PTPRT: variants seen among roughly 807,000 people sequenced by gnomAD.
The protein encoded by PTPRT is protein tyrosine phosphatase receptor type T, also known as receptor-type tyrosine-protein phosphatase T.
In PTPRT, 56 loss-of-function variants were observed where a neutral mutation model predicts 176.8. The observed-to-expected ratio is 0.32, with a 90% confidence interval of 0.26 to 0.40. The LOEUF (loss-of-function observed/expected upper bound fraction) is 0.40, where lower values mean the gene tolerates loss of function less well. PTPRT is among the 10% of genes least tolerant of loss of function. The probability of loss-of-function intolerance (pLI) is 1.00; values close to 1 mark genes in which losing one functional copy is unlikely to be tolerated. For synonymous variants in PTPRT, 783 were observed against 739.0 expected, an observed-to-expected ratio of 1.06 and a Z score of -0.96; for missense variants, 1,540 against 1,908.2, an observed-to-expected ratio of 0.81 and a Z score of 3.60.
intron 7 of PTPRT, among the ~76,000 whole-genome samples, chr20:42,628,096 C>T (rs771399069): frequency 6.6e-6 from 1 of 152,134 alleles, no homozygotes; most frequent in African/African-American, 2.4e-5. Flanking sequence ...ACAAGACACA[C>T]AGGGTGGGGA....
intron 1 of PTPRT, among the ~76,000 whole-genome samples, chr20:42,978,321 C>T (rs1259280902): frequency 1.3e-5 from 2 of 152,158 alleles, no homozygotes; most frequent in Non-Finnish European, 2.9e-5. Context: ...GTTCTGTACC[C>T]ACCTATTTTC....
chr20:42,633,993 TATATATTATATATATATAATATATATATA>T (rs1569038048), intron 7 of PTPRT, among the ~76,000 whole-genome samples: 21 of 23,850 alleles, frequency 8.8e-4, no homozygotes, highest in African/African-American at 4.1e-3. Context: ...TATTATATTA[TATATATTATATATATATAATATATATATA>T]ATATATATAT....
intron 2 of PTPRT, among the ~76,000 whole-genome samples, chr20:42,846,995 T>G (rs1021191696): frequency 6.6e-6 from 1 of 152,170 alleles, no homozygotes; most frequent in Non-Finnish European, 1.5e-5. Flanking sequence ...ATGCCTGTGT[T>G]TTCTCATTTT....
rs1159094345 is a variant in PTPRT, at chr20:42,624,005, C to CAAAAAAAAAAAAAAAACA, written c.1153+53860_1153+53861insTGTTTTTTTTTTTTTTTT. 3.5e-4 allele frequency among the ~76,000 whole-genome samples: 47 copies of CAAAAAAAAAAAAAAAACA among 135,682 alleles called. 1 individual carries two copies. Among genetic ancestry groups the CAAAAAAAAAAAAAAAACA allele is most frequent in the African/African-American group, 1.5e-3 (46 of 31,110 alleles). The allele number at this position is 135,682 out of a possible 152,430, so 89.0% of individuals were successfully genotyped here. ...CCCACGAAGGAAAACAAAACAATAG[C>CAAAAAAAAAAAAAAAACA]AACAAACAAACAAACAAACAAAAAA... On this transcript the variant is annotated intron_variant, in intron 7 of 30. Coordinates refer to ENST00000373187, the MANE Select transcript of PTPRT (RefSeq NM_007050.6).
intron 2 of PTPRT, among the ~76,000 whole-genome samples, chr20:42,797,731 T>C (rs990552723): frequency 3.9e-5 from 6 of 152,310 alleles, no homozygotes; most frequent in Admixed American, 6.5e-5. Context: ...ATTTTCCAGC[T>C]GAGCACAATG....
At chr20:42,435,866 A>G (rs144374287) in intron 9 of PTPRT, among the ~76,000 whole-genome samples, 12 of 152,318 alleles carry the variant, frequency 7.9e-5, no homozygotes, top group Non-Finnish European at 1.3e-4. Context: ...ACCAGAGATC[A>G]GGACACTGTG....
chr20:42,526,329 G>A (rs190962007), intron 7 of PTPRT, among the ~76,000 whole-genome samples: 3 of 152,080 alleles, frequency 2.0e-5, no homozygotes, highest in Admixed American at 6.5e-5. Context: ...GCTTTCTAAC[G>A]TTTTACTGAT....
intron 12 of PTPRT, among the ~76,000 whole-genome samples, chr20:42,311,690 AC>A (rs200035969): frequency 6.7e-6 from 1 of 150,348 alleles, no homozygotes; most frequent in Non-Finnish European, 1.5e-5. Context: ...ACACTTTTTT[AC>A]CCCCCCGTCA....
intron 2 of PTPRT, among the ~76,000 whole-genome samples, chr20:42,830,083 C>T (rs1002817672): frequency 3.9e-5 from 6 of 152,160 alleles, no homozygotes; most frequent in Non-Finnish European, 8.8e-5. Flanking sequence ...TAGACTCCTC[C>T]CCAACTCATT....
At chr20:42,720,623 C>A (rs1386342899) in intron 6 of PTPRT, among the ~76,000 whole-genome samples, 1 of 152,172 alleles carries the variant, frequency 6.6e-6, no homozygotes, top group Admixed American at 6.5e-5. Flanking sequence ...GTGCTTGCCT[C>A]CCCATTATCA....
chr20:42,582,907 C>G (rs1253051244), intron 7 of PTPRT, among the ~76,000 whole-genome samples: 1 of 152,126 alleles, frequency 6.6e-6, no homozygotes, highest in Non-Finnish European at 1.5e-5. Context: ...CAGGTATTCA[C>G]AGGGTTACTA....
At chr20:43,040,001 G>A (rs3092289) in intron 1 of PTPRT, among the ~76,000 whole-genome samples, 62,089 of 151,614 alleles carry the variant, frequency 0.41, 15,999 homozygotes, top group African/African-American at 0.73. Flanking sequence ...AGATAGTACC[G>A]TTGCACTCCA....
At chr20:42,712,370 A>C (rs1395542151) in intron 6 of PTPRT, among the ~76,000 whole-genome samples, 1 of 152,196 alleles carries the variant, frequency 6.6e-6, no homozygotes, top group Non-Finnish European at 1.5e-5. Context: ...AGCCCAAAAA[A>C]GAAGCCCCTA....
At chr20:42,735,316 G>A (rs917339745) in intron 6 of PTPRT, among the ~76,000 whole-genome samples, 3 of 152,072 alleles carry the variant, frequency 2.0e-5, no homozygotes, top group African/African-American at 4.8e-5. Context: ...GCCAGGTCAG[G>A]CTTGACCCCT....
rs552247858 is a variant in PTPRT at position 42,905,116 on chromosome 20, C to A, written c.89-19184G>T. On this transcript the variant is annotated intron_variant, in intron 1 of 30. Transcript: ENST00000373187. ...TCTGGACAGCAAAAGAAACTACCAT[C>A]AGAGTGAACAGGCACCTACAGAATG... 2.1e-3 allele frequency among the ~76,000 whole-genome samples: 325 copies of A among 152,204 alleles called. 1 individual carries two copies. The highest frequency in any genetic ancestry group is 2.7e-3 in the Non-Finnish European group (184 of 68,040).
intron 1 of PTPRT, among the ~76,000 whole-genome samples, chr20:43,036,270 GAGTGC>G (rs1437396217): frequency 6.6e-6 from 1 of 152,120 alleles, no homozygotes; most frequent in Non-Finnish European, 1.5e-5. Flanking sequence ...GCCCCAGCTG[GAGTGC>G]AGTGCTTATT....
chr20:42,956,406 TCTTGCTCCTACTCTAGCCGTGTGAGACA>T (rs1365360211), intron 1 of PTPRT, among the ~76,000 whole-genome samples: 1 of 151,946 alleles, frequency 6.6e-6, no homozygotes, highest in African/African-American at 2.4e-5. Flanking sequence ...TAACTCTCTC[TCTTGCTCCTACTCTAGCCGTGTGAGACA>T]CCTGCTCCTA....
At chr20:43,136,007 G>C (rs2146390070) in intron 1 of PTPRT, among the ~76,000 whole-genome samples, 2 of 152,300 alleles carry the variant, frequency 1.3e-5, no homozygotes, top group Non-Finnish European at 2.9e-5. Flanking sequence ...ACAGCAAAGT[G>C]GAAATAGTCA....
At chr20:42,040,486 A>C in the PTPRT span, among the ~76,000 whole-genome samples, 2 of 152,140 alleles carry the variant, frequency 1.3e-5, no homozygotes, top group Non-Finnish European at 2.9e-5. Context: ...ATGACTGTGG[A>C]GGATTAACCT....
Sources: gnomAD v4.1 joint callset for allele counts (sites outside exome capture counted in the v4.1 genomes callset) on GRCh38, gnomAD v4.1.1 for gene constraint, MANE v1.5 for transcripts, NCBI Gene and HGNC (gene_info 2026-07-23, HGNC 2026-07-21) for gene names.